The following RICTOR variants were observed in gnomAD, a reference collection of about 807,000 sequenced individuals.
The protein encoded by RICTOR is rapamycin-insensitive companion of mTOR.
Under a neutral mutation model 214.9 loss-of-function variants are expected in RICTOR, and 49 were observed. That is an observed-to-expected ratio of 0.23 (90% CI 0.18 to 0.29). The LOEUF is 0.29. RICTOR is among the 10% of genes least tolerant of loss of function. The pLI is 1.00. For synonymous variants in RICTOR, 717 were observed against 711.3 expected, an observed-to-expected ratio of 1.01 and a Z score of -0.13; for missense variants, 1,625 against 2,047.0, an observed-to-expected ratio of 0.79 and a Z score of 3.98.
intron 2 of RICTOR, among the ~76,000 whole-genome samples, chr5:39,030,117 A>C (rs185187655): frequency 5.5e-4 from 84 of 152,284 alleles, no homozygotes; most frequent in African/African-American, 2.0e-3. Context: ...CAAATACTAG[A>C]AATTATGACC....
chr5:39,001,357 C>CT (rs1202339989), intron 5 of RICTOR, among the ~76,000 whole-genome samples: 1 of 152,012 alleles, frequency 6.6e-6, no homozygotes, highest in Non-Finnish European at 1.5e-5. Flanking sequence ...ATAAAAGGTG[C>CT]TAATTTTATT....
At chr5:39,073,159 A>G (rs1759448245) in intron 2 of RICTOR, among the ~76,000 whole-genome samples, 1 of 152,236 alleles carries the variant, frequency 6.6e-6, no homozygotes, top group Non-Finnish European at 1.5e-5. Flanking sequence ...AAGGTGTTTT[A>G]TAGACCTCAG....
At chr5:38,996,999 G>A in intron 5 of RICTOR, 117 bp from the exon 6 acceptor site, 1 of 688,626 alleles carries the variant, frequency 1.5e-6, no homozygotes, top group Non-Finnish European at 2.6e-6. Context: ...TTATTGTTTT[G>A]GTATATGATT....
intron 19 of RICTOR, 62 bp from the exon 20 acceptor site, chr5:38,960,595 C>A (rs2150019178): frequency 6.6e-7 from 1 of 1,526,542 alleles, no homozygotes. Context: ...AGAATCTTAA[C>A]CATTACTTAT....
chr5:38,976,829 T>C (rs144659519), intron 9 of RICTOR, among the ~76,000 whole-genome samples: 72 of 152,240 alleles, frequency 4.7e-4, no homozygotes, highest in African/African-American at 1.6e-3. Context: ...TTCTAAGAAA[T>C]ATCTAGGTTC....
intron 7 of RICTOR, among the ~76,000 whole-genome samples, chr5:38,985,916 G>A (rs540681887): frequency 3.1e-4 from 47 of 152,166 alleles, no homozygotes; most frequent in African/African-American, 1.1e-3. Context: ...GGCTAGTCTC[G>A]AACTCCTGAC....
intron 2 of RICTOR, among the ~76,000 whole-genome samples, chr5:39,062,358 T>C (rs1758602555): frequency 6.6e-6 from 1 of 152,122 alleles, no homozygotes; most frequent in Non-Finnish European, 1.5e-5. Flanking sequence ...TCAAAATGTG[T>C]TTCCAACCAC....
chr5:39,053,985 G>A (rs897417052), intron 2 of RICTOR, among the ~76,000 whole-genome samples: 3 of 152,114 alleles, frequency 2.0e-5, no homozygotes, highest in Admixed American at 6.5e-5. Flanking sequence ...GGAAGGCTGA[G>A]GCAGAAGAAT....
rs1304761708 is a variant in RICTOR at position 38,994,451 on chromosome 5, A to AAAAAG, written c.456+2367_456+2368insCTTTT. Among the ~76,000 whole-genome samples, 111 of 101,548 alleles carry AAAAAG rather than the reference A, an allele frequency of 1.1e-3. 20 individuals are homozygous for AAAAAG. The highest frequency in any genetic ancestry group is 1.7e-3 in the African/African-American group (46 of 27,294). 66.6% of individuals were successfully genotyped at this position (101,548 alleles called of 152,430 possible). A position where few individuals can be genotyped will look rare whatever the true frequency, so the allele number is the denominator to read the frequency against. On this transcript the variant is annotated intron_variant, in intron 6 of 37. Transcript: ENST00000357387. ...AAAAAAAAAAAAAAAAAAAAAAAAA[A>AAAAAG]AGTGCTTCAGATGCCAAAAGCACTA...
At chr5:39,014,263 A>G (rs1284250448) in intron 3 of RICTOR, among the ~76,000 whole-genome samples, 1 of 152,140 alleles carries the variant, frequency 6.6e-6, no homozygotes, top group African/African-American at 2.4e-5. Flanking sequence ...TGGCAAATAA[A>G]CTGAGCATGA....
Position 38,978,614 on chromosome 5 carries a change from G to T in RICTOR, c.790C>A (p.His264Asn). The change falls in exon 9 of 38, where the codon CAT (histidine) becomes AAT (asparagine). Residue 264 changes from histidine (H) to asparagine (N), a missense_variant. His to Asn is a moderately conservative substitution (Grantham distance 68). Around this residue, in one of 5 missense-constraint regions of RICTOR, gnomAD observed 258 missense variants for 393.7 expected, o/e 0.66. Transcript: ENST00000357387. The stretch of plus-strand genomic sequence containing the variant: ...TGTCCTTCAGCTGTATCTGGACTAT[G>T]TCTGTAGTGAAAATCAGTATAGGGT... ...LAPYTDFHYR[H>N]SPDTAEGQLK... is the part of the protein sequence containing the mutation. The T allele has an allele frequency of 6.4e-7, 1 of 1,570,452 alleles. No homozygotes were observed. The highest frequency in any genetic ancestry group is 8.7e-7 in the Non-Finnish European group (1 of 1,146,606).
intron 2 of RICTOR, among the ~76,000 whole-genome samples, chr5:39,035,026 G>A (rs943754067): frequency 1.3e-5 from 2 of 152,230 alleles, no homozygotes; most frequent in African/African-American, 4.8e-5. Flanking sequence ...CCTCAAGTGG[G>A]TCCCTGACCC....
At chr5:38,959,379 T>C (rs1464156285) in intron 21 of RICTOR, 58 bp from the exon 22 acceptor site, 1 of 966,882 alleles carries the variant, frequency 1.0e-6, no homozygotes, top group Non-Finnish European at 1.5e-6. Context: ...GATACATTAA[T>C]TAAACAAATA....
intron 2 of RICTOR, among the ~76,000 whole-genome samples, chr5:39,033,680 T>C (rs1163651865): frequency 6.6e-6 from 1 of 152,064 alleles, no homozygotes; most frequent in African/African-American, 2.4e-5. Context: ...CGGGGACTAG[T>C]AGTCAGGGGA....
intron 5 of RICTOR, among the ~76,000 whole-genome samples, chr5:38,998,945 G>A (rs553286226): frequency 6.8e-6 from 1 of 147,636 alleles, no homozygotes; most frequent in South Asian, 2.2e-4. Flanking sequence ...GAACCCAGAA[G>A]AGGGAGGTTG....
rs530237030 is a variant in RICTOR, at chr5:38,966,698, G to C, written c.1242C>G (p.Asn414Lys). Residue 414 changes from asparagine to lysine, a missense_variant, in exon 15 of 38, where the codon AAC becomes AAG. Around this residue, in one of 5 missense-constraint regions of RICTOR, gnomAD observed 1,214 missense variants for 1,470.5 expected, o/e 0.83. Transcript: ENST00000357387. ...LLEGLVEVIT[N>K]SDDHISVRAT... Reference sequence around the variant, plus strand: ...CTCTAACTGAGATATGATCATCACTGTTTGTTATCACTTCAACTAGACCCT... The same window carrying C: ...CTCTAACTGAGATATGATCATCACTCTTTGTTATCACTTCAACTAGACCCT... The C allele has an allele frequency of 1.3e-5, 21 of 1,586,624 alleles. No individual in the cohort carries two copies. In the South Asian group the frequency reaches 2.4e-4, roughly 18 times the overall value.
rs780491594 is a variant in RICTOR, at chr5:38,947,253, T to A, written c.4314+11A>T. ...CAACTCATAGGAAAACAATAAAATG[T>A]ATGATAATACCTGGAATATATCATT... is the stretch of plus-strand genomic sequence containing the variant. On this transcript the variant is annotated intron_variant, in intron 32 of 37. Coordinates refer to ENST00000357387, the MANE Select transcript of RICTOR (RefSeq NM_152756.5). 15 of 1,581,628 alleles carry A rather than the reference T, an allele frequency of 9.5e-6. No homozygotes were observed. The highest frequency in any genetic ancestry group is 1.4e-5 in the African/African-American group (1 of 73,590).
At chr5:39,038,755 AC>A (rs1756934607) in intron 2 of RICTOR, among the ~76,000 whole-genome samples, 1 of 152,210 alleles carries the variant, frequency 6.6e-6, no homozygotes, top group African/African-American at 2.4e-5. Context: ...AATCCAACTT[AC>A]AAGGGATGTG....
chr5:39,044,276 AAAGC>A (rs1757344224), intron 2 of RICTOR, among the ~76,000 whole-genome samples: 2 of 152,308 alleles, frequency 1.3e-5, no homozygotes, highest in East Asian at 1.9e-4. Context: ...AAATAGTTAA[AAAGC>A]AAGAACGAAA....
Sources: allele counts gnomAD v4.1 joint callset (sites outside exome capture counted in the v4.1 genomes callset), GRCh38; gene constraint gnomAD v4.1.1; regional missense constraint gnomAD v4.1.1; transcripts MANE v1.5; gene names NCBI Gene and HGNC (gene_info 2026-07-23, HGNC 2026-07-21).